The following SLC6A12 variants were observed in gnomAD, a reference collection of about 807,000 sequenced individuals.
SLC6A12 encodes solute carrier family 6 member 12, also known as sodium- and chloride-dependent betaine transporter.
Under a neutral mutation model 73.3 loss-of-function variants are expected in SLC6A12, and 50 were observed. The ratio of observed to expected loss-of-function variants is 0.68; its 90% CI spans 0.54 to 0.86. The LOEUF (loss-of-function observed/expected upper bound fraction) is 0.86, where lower values mean the gene tolerates loss of function less well. Ranked by LOEUF, SLC6A12 falls within the 40% of genes least tolerant of loss-of-function variation. The probability of loss-of-function intolerance (pLI) is 0.00; values close to 1 mark genes in which losing one functional copy is unlikely to be tolerated. For missense variants in SLC6A12, 648 were observed against 772.8 expected (o/e 0.84, Z 1.92); for synonymous variants, 304 against 309.2 (o/e 0.98, Z 0.18).
chr12:197,567 C>A, intron 9 of SLC6A12, 66 bp from the exon 10 acceptor site: 1 of 1,524,260 alleles, frequency 6.6e-7, no homozygotes, highest in South Asian at 1.3e-5. Flanking sequence ...AGAGATCAGT[C>A]ATGGGAGGAG....
intron 4 of SLC6A12, chr12:203,638 G>GGAACGCGCTGTGCTCGCGGCC (rs1940437024): frequency 6.6e-6 from 1 of 152,192 alleles, no homozygotes; most frequent in Admixed American, 6.5e-5. Context: ...GTGCCGCGGC[G>GGAACGCGCTGTGCTCGCGGCC]GAACGCGCTG....
intron 4 of SLC6A12, among the ~76,000 whole-genome samples, 179 bp from the exon 5 acceptor site, chr12:203,059 CTTTTTTTT>C (rs10582500): frequency 1.5e-5 from 1 of 68,338 alleles, no homozygotes; most frequent in African/African-American, 6.3e-5. Context: ...TTTTTCTTTT[CTTTTTTTT>C]TTTTTTTTTT....
chr12:185,458 G>A (rs531429631), downstream of SLC6A12, among the ~76,000 whole-genome samples: 11 of 152,326 alleles, frequency 7.2e-5, no homozygotes, highest in East Asian at 9.7e-4. Flanking sequence ...TTCTGGCCTC[G>A]GGGCCAGGGC....
chr12:212,164 A>G (rs1940927916), intron 1 of SLC6A12, 54 bp from the exon 2 acceptor site: 1 of 152,222 alleles, frequency 6.6e-6, no homozygotes, highest in African/African-American at 2.4e-5. Context: ...TGAGGGGATA[A>G]AAACAAGACT....
At chr12:201,404 C>G (rs1454290329) in intron 6 of SLC6A12, 6 of 252,708 alleles carry the variant, frequency 2.4e-5, no homozygotes, top group East Asian at 1.0e-4. Flanking sequence ...TTTCAAGCTA[C>G]TGGCATGACA....
At chr12:186,123 C>T (rs1750628922), downstream of SLC6A12, among the ~76,000 whole-genome samples, 1 of 152,112 alleles carries the variant, frequency 6.6e-6, no homozygotes, top group Non-Finnish European at 1.5e-5. Flanking sequence ...AGGCAGGAGG[C>T]TCAGGCAGAA....
intron 6 of SLC6A12, among the ~76,000 whole-genome samples, chr12:201,076 T>C (rs935722399): frequency 3.9e-5 from 6 of 152,214 alleles, no homozygotes; most frequent in Non-Finnish European, 7.3e-5. Flanking sequence ...TAGATATTTA[T>C]ACATGCAGGT....
At chr12:191,934 T>C (rs1939619656) in intron 15 of SLC6A12, among the ~76,000 whole-genome samples, 1 of 152,176 alleles carries the variant, frequency 6.6e-6, no homozygotes, top group South Asian at 2.1e-4. Flanking sequence ...CTGTTGGAGG[T>C]TGGGTTTTCT....
At chr12:206,334 G>A (rs1163789627) in intron 3 of SLC6A12, among the ~76,000 whole-genome samples, 3 of 152,104 alleles carry the variant, frequency 2.0e-5, no homozygotes, top group Non-Finnish European at 4.4e-5. Context: ...ATTATACAGT[G>A]CTTATCTCTT....
At chr12:204,868 G>A (rs1278443624) in intron 3 of SLC6A12, 170 bp from the exon 4 acceptor site, 4 of 661,994 alleles carry the variant, frequency 6.0e-6, no homozygotes, top group Non-Finnish European at 1.0e-5. Context: ...TGAGTGTTAG[G>A]CAGGCACAGG....
In SLC6A12 at chr12:209,931, GGGACCCA is replaced by G. The variant is rs1940834293; in HGVS notation, c.49_55del (p.Trp17ProfsTer15). 1 of 1,613,998 alleles carries G rather than the reference GGGACCCA, an allele frequency of 6.2e-7. No individual in the cohort carries two copies. Among genetic ancestry groups the G allele is most frequent in the African/African-American group, 1.3e-5 (1 of 74,896 alleles). ...CTGGTCCAACTTCTCTCCCTCCTCGGGGACCCAGGAGACTGCAGGAGGCCCACACTCT... is the reference window on the plus strand; with the variant it reads ...CTGGTCCAACTTCTCTCCCTCCTCGGGGAGACTGCAGGAGGCCCACACTCT... On this transcript the variant is annotated frameshift_variant, in exon 3 of 16. Coordinates refer to ENST00000684302, the MANE Select transcript of SLC6A12 (RefSeq NM_001122848.3). LOFTEE classifies it high-confidence loss of function.
intron 5 of SLC6A12, 90 bp from the exon 6 acceptor site, chr12:201,939 T>G: frequency 2.8e-6 from 3 of 1,067,786 alleles, no homozygotes; most frequent in Non-Finnish European, 4.3e-6. Context: ...CTAGTGGTCC[T>G]CACCACTCCT....
rs201073894 is a variant in SLC6A12 at position 195,426 on chromosome 12, GC to G, written c.1327-100del. On this transcript the variant is annotated intron_variant, in intron 12 of 15. Transcript: ENST00000684302. ...AAATGCCCACGTGGGGTGCACTCCTGCCCGGCCTGTGGGATGCCATTCCTTG... is the reference window on the plus strand; with the variant it reads ...AAATGCCCACGTGGGGTGCACTCCTGCCGGCCTGTGGGATGCCATTCCTTG... 531 of 780,914 alleles carry G rather than the reference GC, an allele frequency of 6.8e-4. 3 individuals carry two copies. In the African/African-American group the frequency reaches 7.7e-3, roughly 11 times the overall value. 48.4% of individuals were successfully genotyped at this position (780,914 alleles called of 1,614,324 possible). A position where few individuals can be genotyped will look rare whatever the true frequency, so the allele number is the denominator to read the frequency against.
At chr12:193,085 A>C (rs970415683) in intron 14 of SLC6A12, 192 bp downstream of exon 14, 6 of 569,890 alleles carry the variant, frequency 1.1e-5, no homozygotes, top group Non-Finnish European at 1.6e-5. Flanking sequence ...GTAGAACAAG[A>C]TTCTACTTAT....
At chr12:196,745 G>A (rs760033766) in intron 11 of SLC6A12, 25 bp downstream of exon 11, 49 of 1,533,976 alleles carry the variant, frequency 3.2e-5, no homozygotes, top group Non-Finnish European at 4.2e-5. Context: ...ACCACGGCAG[G>A]GCAGGCTGGG....
At chr12:200,866 G>A in intron 6 of SLC6A12, 83 bp from the exon 7 acceptor site, 1 of 1,432,062 alleles carries the variant, frequency 7.0e-7, no homozygotes, top group Middle Eastern at 1.8e-4. Flanking sequence ...CTGATTCTCA[G>A]AGCTGACCCC....
intron 4 of SLC6A12, 22 bp downstream of exon 4, chr12:204,542 G>A (rs543046199): frequency 1.2e-6 from 2 of 1,613,000 alleles, no homozygotes; most frequent in South Asian, 1.1e-5. Context: ...CCATGAAGGG[G>A]AAGGTGGGGG....
At chr12:186,885 T>C (rs1204716857), downstream of SLC6A12, among the ~76,000 whole-genome samples, 3 of 152,150 alleles carry the variant, frequency 2.0e-5, 1 homozygote, top group South Asian at 2.1e-4. Flanking sequence ...GAGCCTGTGG[T>C]AACCCTGCTA....
chr12:185,812 C>T (rs1939420583), downstream of SLC6A12, among the ~76,000 whole-genome samples: 1 of 152,312 alleles, frequency 6.6e-6, no homozygotes, highest in South Asian at 2.1e-4. Flanking sequence ...GGGCACTGAC[C>T]CACCTCAACC....
Sources: allele counts gnomAD v4.1 joint callset (sites outside exome capture counted in the v4.1 genomes callset), GRCh38; gene constraint gnomAD v4.1.1; transcripts MANE v1.5; gene names NCBI Gene and HGNC (gene_info 2026-07-23, HGNC 2026-07-21).